Variants in SYNE2 observed in about 807,000 individuals in gnomAD.
The protein encoded by SYNE2 is nesprin-2.
In SYNE2, 431 loss-of-function variants were observed where a neutral mutation model predicts 856.3. That is an observed-to-expected ratio of 0.50 (90% CI 0.47 to 0.55). The LOEUF is 0.55. Among genes scored for constraint, SYNE2 ranks in the 20% least tolerant of loss-of-function variants. The pLI, the probability that SYNE2 is intolerant of heterozygous loss-of-function variation, is 0.00. For synonymous variants in SYNE2, 2,923 were observed against 2,872.3 expected, an observed-to-expected ratio of 1.02 and a Z score of -0.56; for missense variants, 8,129 against 8,023.2, an observed-to-expected ratio of 1.01 and a Z score of -0.50.
intron 93 of SYNE2, among the ~76,000 whole-genome samples, chr14:64,169,493 G>A (rs144162639): frequency 6.6e-6 from 1 of 152,354 alleles, no homozygotes; most frequent in African/African-American, 2.4e-5. Context: ...AATGCTGAGT[G>A]AGTCTGCTCA....
intron 99 of SYNE2, among the ~76,000 whole-genome samples, chr14:64,199,282 G>A (rs906099640): frequency 2.0e-5 from 3 of 152,186 alleles, no homozygotes; most frequent in Non-Finnish European, 1.5e-5. Context: ...GAGAGGATGG[G>A]TAGTGCTTAA....
In SYNE2 at chr14:64,026,728, A is replaced by G. The variant is rs986703567; in HGVS notation, c.6402A>G (p.Leu2134=). Residue 2134 remains leucine (L), a splice_region_variant and synonymous_variant, in exon 42 of 116, where the codon CTA becomes CTG. Transcript: ENST00000555002. ...DNTLHLASTY[L]SHQEKLLLEG... is the part of the protein sequence containing the mutation. Reference sequence around the variant, plus strand: ...CACTCCATTTAGCTAGCACCTACCTAAGGTAAAGGGCATGCCTGCACCACT... The same window carrying G: ...CACTCCATTTAGCTAGCACCTACCTGAGGTAAAGGGCATGCCTGCACCACT... The G allele has an allele frequency of 1.2e-6, 2 of 1,606,218 alleles. No homozygotes were observed. The highest frequency in any genetic ancestry group is 2.7e-5 in the African/African-American group (2 of 74,956).
chr14:64,214,644 A>G (rs2098657259), intron 106 of SYNE2, 174 bp downstream of exon 106: 1 of 645,130 alleles, frequency 1.6e-6, no homozygotes, highest in Non-Finnish European at 2.7e-6. Flanking sequence ...GAATTGGCTC[A>G]CTCTCATCAC....
intron 1 of SYNE2, among the ~76,000 whole-genome samples, chr14:63,876,273 G>A (rs941796483): frequency 5.4e-5 from 8 of 149,258 alleles, no homozygotes; most frequent in Non-Finnish European, 8.9e-5. Context: ...AAAAGTTAGC[G>A]GGGTGTGTTG....
Position 64,053,618 on chromosome 14 carries a change from T to A in SYNE2, c.9705T>A (p.Asp3235Glu). Reference protein sequence around the residue: ...DVETKLREFEDLQMQLNTSID... With the variant: ...DVETKLREFEELQMQLNTSID... ...AGACAAAACTACGTGAGTTTGAAGA[T>A]CTTCAGATGCAGCTTAACACAAGCA... Residue 3235 changes from aspartate (D) to glutamate (E), a missense_variant, in exon 48 of 116, where the codon GAT becomes GAA. By Grantham distance (45) the Asp-to-Glu change is conservative (BLOSUM62 2). Transcript: ENST00000555002. 6.2e-7 allele frequency: 1 copy of A among 1,612,984 alleles called. No individual in the cohort carries two copies. Among genetic ancestry groups the A allele is most frequent in the Admixed American group, 1.7e-5 (1 of 59,780 alleles).
At chr14:63,956,040 A>C (rs1338315600) in intron 8 of SYNE2, among the ~76,000 whole-genome samples, 4 of 152,256 alleles carry the variant, frequency 2.6e-5, no homozygotes, top group African/African-American at 9.6e-5. Flanking sequence ...TTCGCAATGC[A>C]ACTAACAGCT....
chr14:63,905,988 G>A (rs2095405466), intron 1 of SYNE2, among the ~76,000 whole-genome samples: 1 of 152,040 alleles, frequency 6.6e-6, no homozygotes, highest in South Asian at 2.1e-4. Flanking sequence ...TGCCTAGTCT[G>A]TTGAGGGTTT....
At chr14:64,038,882 G>A (rs1038876131) in intron 45 of SYNE2, among the ~76,000 whole-genome samples, 1 of 102,968 alleles carries the variant, frequency 9.7e-6, no homozygotes, top group African/African-American at 3.0e-5. Context: ...GAGAGGGAGA[G>A]GGAGAGCACT....
At chr14:64,179,330 T>C (rs2781381) in intron 96 of SYNE2, among the ~76,000 whole-genome samples, 51,718 of 151,874 alleles carry the variant, frequency 0.34, 9,955 homozygotes, top group African/African-American at 0.53. Context: ...GTAGAGATGG[T>C]GTTTCGCCAC....
At position 64,002,713 on chromosome 14, in the gene SYNE2, A is replaced by G. The variant is rs2096764859; in HGVS notation, c.3787-7A>G. On this transcript the variant is annotated splice_polypyrimidine_tract_variant and splice_region_variant and intron_variant, in intron 29 of 115. Transcript: ENST00000555002. The stretch of plus-strand genomic sequence containing the variant: ...CAGTGTTTTAGCTTTTCTTATCTTT[A>G]TTTTAGAATATCCAAGATTCCATAG... 1 of 1,610,658 alleles carries G rather than the reference A, an allele frequency of 6.2e-7. No homozygotes were observed.
At chr14:63,845,387 G>A (rs1295786613) in intron 1 of SYNE2, among the ~76,000 whole-genome samples, 1 of 150,446 alleles carries the variant, frequency 6.6e-6, no homozygotes, top group African/African-American at 2.5e-5. Context: ...TTGCACTCCA[G>A]CCTGGGTGAC....
intron 45 of SYNE2, among the ~76,000 whole-genome samples, chr14:64,040,452 A>G: frequency 6.6e-6 from 1 of 151,950 alleles, no homozygotes; most frequent in East Asian, 1.9e-4. Context: ...AAAAAAAGTC[A>G]TTAAATGTAG....
At position 64,225,311 on chromosome 14, in the gene SYNE2, G is replaced by T. The variant is rs750731188; in HGVS notation, c.20517-8G>T. 6.2e-7 allele frequency: 1 copy of T among 1,614,104 alleles called. No homozygotes were observed. Among genetic ancestry groups the T allele is most frequent in the South Asian group, 1.1e-5 (1 of 91,086 alleles). On this transcript the variant is annotated splice_polypyrimidine_tract_variant and splice_region_variant and intron_variant, in intron 115 of 115. Coordinates refer to ENST00000555002, the MANE Select transcript of SYNE2 (RefSeq NM_182914.3). ...TCCCAATCAGCTCTCAACCTCCTCTGTTGGCAGGGTCCCCGGCAGCACACG... is the reference window on the plus strand; with the variant it reads ...TCCCAATCAGCTCTCAACCTCCTCTTTTGGCAGGGTCCCCGGCAGCACACG...
At chr14:63,992,274 T>A (rs888411450) in intron 21 of SYNE2, among the ~76,000 whole-genome samples, 1 of 151,856 alleles carries the variant, frequency 6.6e-6, no homozygotes, top group Admixed American at 6.6e-5. Context: ...AGTCTCCCTC[T>A]TTGAATTTTT....
At chr14:64,071,024 A>AAC in intron 52 of SYNE2, 114 bp downstream of exon 52, 1 of 1,058,138 alleles carries the variant, frequency 9.5e-7, no homozygotes. Context: ...GAGGTGAGAC[A>AAC]ACACTGATAG....
At chr14:64,151,147 ATT>A (rs370165103) in intron 84 of SYNE2, among the ~76,000 whole-genome samples, 1 of 151,952 alleles carries the variant, frequency 6.6e-6, no homozygotes, top group Non-Finnish European at 1.5e-5. Context: ...TATGGAACAG[ATT>A]TTTTTCCCTT....
intron 96 of SYNE2, among the ~76,000 whole-genome samples, chr14:64,179,488 G>T (rs1385379594): frequency 6.6e-6 from 1 of 152,128 alleles, no homozygotes; most frequent in African/African-American, 2.4e-5. Flanking sequence ...CATAGATGTT[G>T]GCACCTAATG....
intron 1 of SYNE2, among the ~76,000 whole-genome samples, chr14:63,840,038 G>C (rs1024704062): frequency 3.3e-5 from 5 of 152,226 alleles, no homozygotes; most frequent in Non-Finnish European, 5.9e-5. Context: ...GGAGGCCTAG[G>C]TGGGTGGATC....
intron 2 of SYNE2, among the ~76,000 whole-genome samples, chr14:63,922,280 C>T (rs967343102): frequency 1.3e-5 from 2 of 152,240 alleles, no homozygotes; most frequent in Non-Finnish European, 2.9e-5. Context: ...GCTGAGATTA[C>T]AGGCACAAGC....
Sources: allele counts gnomAD v4.1 joint callset (sites outside exome capture counted in the v4.1 genomes callset), GRCh38; gene constraint gnomAD v4.1.1; transcripts MANE v1.5; gene names NCBI Gene and HGNC (gene_info 2026-07-23, HGNC 2026-07-21).